Variants in CECR2 observed in about 807,000 individuals in gnomAD.
CECR2 encodes CECR2 histone acetyl-lysine reader.
Under a neutral mutation model 154.5 loss-of-function variants are expected in CECR2, and 30 were observed. The observed-to-expected ratio is 0.19, with a 90% CI of 0.15 to 0.26. The LOEUF (loss-of-function observed/expected upper bound fraction) is 0.26, where lower values mean the gene tolerates loss of function less well. Among genes scored for constraint, CECR2 ranks in the 10% least tolerant of loss-of-function variants. The pLI, the probability that CECR2 is intolerant of heterozygous loss-of-function variation, is 1.00. For missense variants in CECR2, 1,743 were observed against 1,829.3 expected, an observed-to-expected ratio of 0.95 and a Z score of 0.86; for synonymous variants, 725 against 683.7, an observed-to-expected ratio of 1.06 and a Z score of -0.94.
intron 1 of CECR2, among the ~76,000 whole-genome samples, chr22:17,412,958 G>A (rs1046883249): frequency 2.6e-5 from 4 of 152,154 alleles, no homozygotes; most frequent in Non-Finnish European, 2.9e-5. Context: ...CTGATTAGAC[G>A]TTGTTAAGTT....
chr22:17,465,048 G>C (rs973845482), intron 1 of CECR2, among the ~76,000 whole-genome samples: 1 of 148,098 alleles, frequency 6.8e-6, no homozygotes, highest in Non-Finnish European at 1.5e-5. Context: ...CCAGGCTGGA[G>C]TGCAGTGGCG....
intron 1 of CECR2, among the ~76,000 whole-genome samples, chr22:17,363,701 T>A (rs1432426099): frequency 6.6e-6 from 1 of 152,172 alleles, no homozygotes; most frequent in East Asian, 1.9e-4. Context: ...AGTAGCATGA[T>A]CTCAGCTCCC....
At chr22:17,491,762 A>G (rs1476166743) in intron 2 of CECR2, among the ~76,000 whole-genome samples, 1 of 152,220 alleles carries the variant, frequency 6.6e-6, no homozygotes, top group Admixed American at 6.5e-5. Context: ...TTTTAAAGAT[A>G]CATTTGGGGT....
intron 1 of CECR2, among the ~76,000 whole-genome samples, chr22:17,386,936 C>A (rs1485658342): frequency 6.6e-6 from 1 of 152,132 alleles, no homozygotes; most frequent in African/African-American, 2.4e-5. Flanking sequence ...CAGGTGTGAG[C>A]CACTGTACCT....
chr22:17,463,863 G>A (rs963507360), intron 1 of CECR2, among the ~76,000 whole-genome samples: 5 of 152,150 alleles, frequency 3.3e-5, no homozygotes, highest in African/African-American at 1.2e-4. Flanking sequence ...GCAGGGAAAA[G>A]AAGAGGTCCA....
chr22:17,531,294 A>T (rs894134517), intron 9 of CECR2, among the ~76,000 whole-genome samples: 1 of 152,230 alleles, frequency 6.6e-6, no homozygotes, highest in Non-Finnish European at 1.5e-5. Context: ...TGCTAGCACT[A>T]TGAAGGCAGG....
At chr22:17,372,415 C>T (rs1164748354) in intron 1 of CECR2, among the ~76,000 whole-genome samples, 2 of 152,066 alleles carry the variant, frequency 1.3e-5, no homozygotes, top group African/African-American at 2.4e-5. Flanking sequence ...CCTGTAATCC[C>T]AGCACTTTGG....
intron 7 of CECR2, among the ~76,000 whole-genome samples, chr22:17,508,635 C>T (rs1213849955): frequency 6.6e-6 from 1 of 151,996 alleles, no homozygotes; most frequent in African/African-American, 2.4e-5. Context: ...CACACTACAT[C>T]GTCTAGGGTT....
upstream of CECR2, among the ~76,000 whole-genome samples, chr22:17,366,575 C>A (rs544937670): frequency 9.1e-4 from 139 of 152,118 alleles, no homozygotes; most frequent in African/African-American, 3.2e-3. Flanking sequence ...CACTCCGAAT[C>A]AAAGGGAGAA....
At position 17,542,819 on chromosome 22, in the gene CECR2, C is replaced by G. The variant is rs200477531; in HGVS notation, c.2676C>G (p.Ser892=). ...SPEMIAMQQL[S]SRVCPPGVPY... ...AGATGATTGCGATGCAGCAGCTCTC[C>G]TCCCGCGTCTGCCCCCCAGGTGTGC... Residue 892 remains serine (S), a synonymous_variant, in exon 16 of 19, where the codon TCC becomes TCG. Transcript: ENST00000262608. The G allele has an allele frequency of 7.9e-5, 127 of 1,613,778 alleles. No individual in the cohort carries two copies. The African/African-American group carries it at 1.3e-3, about 16-fold the overall frequency.
chr22:17,493,999 C>A (rs974441105), intron 2 of CECR2, among the ~76,000 whole-genome samples: 4 of 152,188 alleles, frequency 2.6e-5, no homozygotes, highest in African/African-American at 7.2e-5. Flanking sequence ...CGAAAGCATG[C>A]GGTAGATAAA....
chr22:17,423,821 T>C (rs1373391556), intron 1 of CECR2, among the ~76,000 whole-genome samples: 3 of 152,188 alleles, frequency 2.0e-5, no homozygotes, highest in African/African-American at 7.2e-5. Context: ...TGTGACGTCA[T>C]CTCTTTGAGG....
Position 17,396,242 on chromosome 22 carries a change from C to CAAA in CECR2, c.126+26348_126+26350dup, listed in dbSNP as rs543939674. 6.4e-3 allele frequency among the ~76,000 whole-genome samples: 584 copies of CAAA among 91,322 alleles called. 6 individuals carry two copies. Among genetic ancestry groups the CAAA allele is most frequent in the African/African-American group, 0.02 (519 of 25,562 alleles). The allele number at this position is 91,322 out of a possible 152,430, so 59.9% of individuals were successfully genotyped here. ...GGGCGACAAGAGTGAGACCCTTTCT[C>CAAA]AAAAAAAAAAAAAAAAACAAGGCCA... On this transcript the variant is annotated intron_variant, in intron 1 of 18. Coordinates refer to ENST00000262608, the MANE Select transcript of CECR2 (RefSeq NM_001290047.2).
chr22:17,473,238 C>G (rs1015735797), intron 1 of CECR2, among the ~76,000 whole-genome samples: 5 of 152,158 alleles, frequency 3.3e-5, no homozygotes, highest in Admixed American at 6.5e-5. Context: ...GTTTTTCCCC[C>G]CTTCCTCTTC....
intron 1 of CECR2, among the ~76,000 whole-genome samples, chr22:17,448,582 G>T (rs1955653147): frequency 6.6e-6 from 1 of 152,074 alleles, no homozygotes. Flanking sequence ...TTTCTACACG[G>T]TTGATTTTCC....
At chr22:17,421,017 A>G (rs991389438) in intron 1 of CECR2, among the ~76,000 whole-genome samples, 4 of 152,192 alleles carry the variant, frequency 2.6e-5, no homozygotes, top group Admixed American at 6.5e-5. Context: ...AGAGACATGT[A>G]TAAGTACACA....
chr22:17,518,164 C>A (rs545175215), intron 8 of CECR2, among the ~76,000 whole-genome samples: 3 of 152,132 alleles, frequency 2.0e-5, no homozygotes, highest in Admixed American at 2.0e-4. Context: ...GTTTTTCCAG[C>A]AAAGAGAGTT....
chr22:17,527,899 A>G (rs746434052), intron 9 of CECR2, among the ~76,000 whole-genome samples: 5 of 152,224 alleles, frequency 3.3e-5, no homozygotes, highest in Non-Finnish European at 5.9e-5. Context: ...TACCCAAAGG[A>G]CAGGCAATAA....
intron 1 of CECR2, among the ~76,000 whole-genome samples, chr22:17,405,895 G>A (rs1462999329): frequency 6.6e-6 from 1 of 152,148 alleles, no homozygotes; most frequent in Non-Finnish European, 1.5e-5. Context: ...ACCATAAAAT[G>A]TAGAGGCCAG....
Sources: gnomAD v4.1 joint callset for allele counts (sites outside exome capture counted in the v4.1 genomes callset) on GRCh38, gnomAD v4.1.1 for gene constraint, MANE v1.5 for transcripts, NCBI Gene and HGNC (gene_info 2026-07-23, HGNC 2026-07-21) for gene names.